Variants in PLCL1 observed in about 807,000 individuals in gnomAD.
PLCL1 encodes inactive phospholipase C-like protein 1.
A neutral mutation model predicts 84.4 loss-of-function variants in PLCL1; 41 were observed. The ratio of observed to expected loss-of-function variants is 0.49; its 90% confidence interval spans 0.38 to 0.63. The LOEUF (loss-of-function observed/expected upper bound fraction) is 0.63. Among genes scored for constraint, PLCL1 ranks in the 30% least tolerant of loss-of-function variants. PLCL1 has a pLI of 0.00. For missense variants in PLCL1, 1,206 were observed against 1,367.8 expected (o/e 0.88, Z 1.87); for synonymous variants, 490 against 488.3 (o/e 1.00, Z -0.05).
At chr2:197,894,927 ACTGTGTTTTAACTCT>A (rs913402149) in intron 1 of PLCL1, among the ~76,000 whole-genome samples, 11 of 151,880 alleles carry the variant, frequency 7.2e-5, no homozygotes, top group African/African-American at 2.4e-4. Flanking sequence ...GGCTAACTTC[ACTGTGTTTTAACTCT>A]CTTTCTTTCT....
At chr2:197,899,846 A>G (rs1688229528) in intron 1 of PLCL1, among the ~76,000 whole-genome samples, 1 of 151,876 alleles carries the variant, frequency 6.6e-6, no homozygotes, top group African/African-American at 2.4e-5. Context: ...CGTGTTAGCC[A>G]GGATGGTCTC....
chr2:198,029,578 C>G (rs1691357054), intron 1 of PLCL1, among the ~76,000 whole-genome samples: 1 of 152,120 alleles, frequency 6.6e-6, no homozygotes, highest in Admixed American at 6.5e-5. Context: ...GGGCTGATGG[C>G]TACGCTTGGC....
chr2:197,866,903 GGC>G (rs1687560290), intron 1 of PLCL1, among the ~76,000 whole-genome samples: 1 of 152,132 alleles, frequency 6.6e-6, no homozygotes, highest in Non-Finnish European at 1.5e-5. Flanking sequence ...TTAACCCCAT[GGC>G]GATCATCGTT....
At chr2:197,856,945 T>A (rs1461537707) in intron 1 of PLCL1, among the ~76,000 whole-genome samples, 1 of 152,152 alleles carries the variant, frequency 6.6e-6, no homozygotes, top group East Asian at 1.9e-4. Context: ...CGATTGTATA[T>A]TTAGAATTCC....
At chr2:197,948,409 C>T (rs1353003174) in intron 1 of PLCL1, among the ~76,000 whole-genome samples, 1 of 152,122 alleles carries the variant, frequency 6.6e-6, no homozygotes, top group East Asian at 1.9e-4. Context: ...TGCCTTACTC[C>T]TTTGACAGGC....
intron 5 of PLCL1, among the ~76,000 whole-genome samples, chr2:198,106,838 A>G (rs1402155878): frequency 6.6e-6 from 1 of 151,852 alleles, no homozygotes; most frequent in African/African-American, 2.4e-5. Context: ...CATCTCACAA[A>G]TGAGGAAATT....
chr2:197,886,164 C>G (rs1687918299), intron 1 of PLCL1, among the ~76,000 whole-genome samples: 1 of 152,094 alleles, frequency 6.6e-6, no homozygotes, highest in Non-Finnish European at 1.5e-5. Flanking sequence ...GTAATCCCAG[C>G]ATTTTGGGAG....
chr2:198,062,276 TA>T (rs963617458), intron 1 of PLCL1, among the ~76,000 whole-genome samples: 1 of 152,212 alleles, frequency 6.6e-6, no homozygotes, highest in Non-Finnish European at 1.5e-5. Context: ...TTATCTATTC[TA>T]GGGGAGCTCC....
chr2:198,059,005 G>T (rs931144334), intron 1 of PLCL1, among the ~76,000 whole-genome samples: 1 of 152,094 alleles, frequency 6.6e-6, no homozygotes, highest in African/African-American at 2.4e-5. Flanking sequence ...GATATATACT[G>T]TTTCATTGCC....
chr2:198,111,006 T>A (rs952827472), intron 5 of PLCL1, among the ~76,000 whole-genome samples: 16 of 152,002 alleles, frequency 1.1e-4, no homozygotes, highest in African/African-American at 2.9e-4. Flanking sequence ...ATTATTATAC[T>A]ATCAATTATT....
chr2:197,890,701 T>TAG (rs11270566), intron 1 of PLCL1, among the ~76,000 whole-genome samples: 1 of 118,544 alleles, frequency 8.4e-6, no homozygotes, highest in Non-Finnish European at 1.7e-5. Context: ...TATATATATA[T>TAG]ACACACACAC....
At chr2:197,850,715 A>G (rs763814735) in intron 1 of PLCL1, among the ~76,000 whole-genome samples, 3 of 152,102 alleles carry the variant, frequency 2.0e-5, no homozygotes, top group Non-Finnish European at 4.4e-5. Flanking sequence ...TCAGGTGTTC[A>G]TCTTTGGAGT....
intron 1 of PLCL1, among the ~76,000 whole-genome samples, chr2:198,045,336 C>T (rs1691761565): frequency 6.6e-6 from 1 of 152,030 alleles, no homozygotes; most frequent in South Asian, 2.1e-4. Context: ...TTTAATCTCC[C>T]AGTGTTTATT....
chr2:198,028,631 C>T (rs537549763), intron 1 of PLCL1, among the ~76,000 whole-genome samples: 15 of 152,284 alleles, frequency 9.9e-5, no homozygotes, highest in South Asian at 2.1e-4. Context: ...AGAGAGATCA[C>T]GGTCATATTT....
At chr2:197,930,647 C>T (rs1350775059) in intron 1 of PLCL1, among the ~76,000 whole-genome samples, 3 of 152,150 alleles carry the variant, frequency 2.0e-5, no homozygotes, top group South Asian at 2.1e-4. Flanking sequence ...CACCATACAG[C>T]GACAATTGGT....
At position 198,032,594 on chromosome 2, in the gene PLCL1, T is replaced by C. The variant is rs576189437; in HGVS notation, c.241-51164T>C. 3.3e-5 allele frequency among the ~76,000 whole-genome samples: 5 copies of C among 152,258 alleles called. No homozygotes were observed. The South Asian group carries it at 1.0e-3, about 32-fold the overall frequency. ...TTAGGCCAGTACATCTCAAATCTAG[T>C]TTATGGATGGATTTCCTGGTTTGGG... On this transcript the variant is annotated intron_variant, in intron 1 of 5. Coordinates refer to ENST00000428675, the MANE Select transcript of PLCL1 (RefSeq NM_006226.4).
At chr2:198,080,534 C>G (rs1482153814) in intron 1 of PLCL1, among the ~76,000 whole-genome samples, 1 of 152,158 alleles carries the variant, frequency 6.6e-6, no homozygotes, top group Non-Finnish European at 1.5e-5. Context: ...ATCTCCCCTC[C>G]TCCCAACCTG....
At chr2:198,040,753 A>AT (rs896207367) in intron 1 of PLCL1, among the ~76,000 whole-genome samples, 1 of 152,184 alleles carries the variant, frequency 6.6e-6, no homozygotes. Context: ...GGTCCCATAC[A>AT]TTTTAGGTTG....
chr2:197,890,701 T>TATATAC (rs11270566), intron 1 of PLCL1, among the ~76,000 whole-genome samples: 21 of 118,534 alleles, frequency 1.8e-4, no homozygotes, highest in African/African-American at 3.8e-4. Context: ...TATATATATA[T>TATATAC]ACACACACAC....
Sources: gnomAD v4.1 joint callset for allele counts (sites outside exome capture counted in the v4.1 genomes callset) on GRCh38, gnomAD v4.1.1 for gene constraint, MANE v1.5 for transcripts, NCBI Gene and HGNC (gene_info 2026-07-23, HGNC 2026-07-21) for gene names.